PTPRD: variants seen among roughly 807,000 people sequenced by gnomAD.
The protein encoded by PTPRD is receptor-type tyrosine-protein phosphatase delta.
In PTPRD, 34 loss-of-function variants were observed where a neutral mutation model predicts 214.5. The ratio of observed to expected loss-of-function variants is 0.16; its 90% CI spans 0.12 to 0.21. The LOEUF (loss-of-function observed/expected upper bound fraction) is 0.21, where lower values mean the gene tolerates loss of function less well. Among genes scored for constraint, PTPRD ranks in the 10% least tolerant of loss-of-function variants. PTPRD has a pLI of 1.00. For missense variants in PTPRD, 2,545 were observed against 2,398.7 expected, an observed-to-expected ratio of 1.06 and a Z score of -1.27; for synonymous variants, 1,128 against 845.7, an observed-to-expected ratio of 1.33 and a Z score of -5.79.
intron 7 of PTPRD, among the ~76,000 whole-genome samples, chr9:9,666,873 G>A (rs183154328): frequency 2.4e-3 from 364 of 151,744 alleles, no homozygotes; most frequent in African/African-American, 8.3e-3. Flanking sequence ...TTCCCTTAAT[G>A]CTTTACCTCG....
intron 13 of PTPRD, 110 bp from the exon 14 acceptor site, chr9:8,633,568 A>ATAATAAACTAGGCATAATAAACAGTT (rs2096325108): frequency 1.6e-6 from 2 of 1,263,446 alleles, no homozygotes; most frequent in Non-Finnish European, 2.2e-6. Context: ...TAAACTAGGC[A>ATAATAAACTAGGCATAATAAACAGTT]TCATTCTGAA....
intron 9 of PTPRD, among the ~76,000 whole-genome samples, chr9:9,281,678 A>G (rs909193417): frequency 4.6e-5 from 7 of 151,352 alleles, no homozygotes; most frequent in African/African-American, 1.7e-4. Flanking sequence ...CCACTTAGAA[A>G]AACAGTGTGG....
intron 11 of PTPRD, among the ~76,000 whole-genome samples, chr9:9,008,862 T>C (rs1435253493): frequency 6.6e-6 from 1 of 152,132 alleles, no homozygotes; most frequent in African/African-American, 2.4e-5. Context: ...ATAATATTAA[T>C]TAAGGAAGCA....
chr9:8,485,305 A>G lies in PTPRD; in HGVS notation c.3075T>C (p.His1025=), dbSNP rs2135865371. 1 of 1,614,110 alleles carries G rather than the reference A, an allele frequency of 6.2e-7. No homozygotes were observed. The highest frequency in any genetic ancestry group is 8.5e-7 in the Non-Finnish European group (1 of 1,179,974). ...CGGAAGTCTTCATTACTGCTTTGAC[A>G]TGAAAATTTTTTGCAAACACTGCTG... The part of the protein sequence containing the change: ...PVDQVFAKNF[H]VKAVMKTSVL... The change falls in exon 29 of 46, where the codon CAT becomes CAC. Residue 1025 remains histidine, a synonymous_variant. Transcript: ENST00000381196.
At chr9:8,704,885 T>C (rs1030497721) in intron 12 of PTPRD, among the ~76,000 whole-genome samples, 2 of 151,936 alleles carry the variant, frequency 1.3e-5, no homozygotes, top group African/African-American at 4.8e-5. Context: ...ATCATGCCAT[T>C]GCACTCTAGC....
At chr9:9,981,265 C>T (rs2095533649) in intron 4 of PTPRD, among the ~76,000 whole-genome samples, 1 of 151,770 alleles carries the variant, frequency 6.6e-6, no homozygotes, top group Non-Finnish European at 1.5e-5. Context: ...GTTTCAAACG[C>T]AGTTTTAACT....
intron 2 of PTPRD, among the ~76,000 whole-genome samples, chr9:10,569,679 A>C (rs187749415): frequency 2.1e-3 from 317 of 151,972 alleles, no homozygotes; most frequent in African/African-American, 7.4e-3. Flanking sequence ...CTTTTTCTTA[A>C]TTTTCTGTTA....
At chr9:9,286,993 G>A (rs1208053749) in intron 9 of PTPRD, among the ~76,000 whole-genome samples, 1 of 144,408 alleles carries the variant, frequency 6.9e-6, no homozygotes, top group Admixed American at 7.0e-5. Context: ...GGAAGGCTGA[G>A]GCGGGCAGAT....
intron 5 of PTPRD, among the ~76,000 whole-genome samples, chr9:9,861,283 T>G (rs185844453): frequency 7.2e-5 from 11 of 152,196 alleles, no homozygotes; most frequent in Admixed American, 1.3e-4. Context: ...TTTATTTTAT[T>G]TTTTTGTTTT....
At chr9:8,331,014 T>TTAACTTCAATGACTTGAGTTA (rs1219830634) in intron 44 of PTPRD, among the ~76,000 whole-genome samples, 2 of 152,150 alleles carry the variant, frequency 1.3e-5, no homozygotes, top group African/African-American at 2.4e-5. Context: ...TTTATTTCTA[T>TTAACTTCAATGACTTGAGTTA]TAACTTCAAT....
At chr9:9,986,234 G>T (rs980231452) in intron 4 of PTPRD, among the ~76,000 whole-genome samples, 3 of 152,028 alleles carry the variant, frequency 2.0e-5, no homozygotes, top group Admixed American at 2.0e-4. Context: ...TATTTCTTCT[G>T]ATCCAAAAAT....
intron 4 of PTPRD, among the ~76,000 whole-genome samples, chr9:9,943,348 TATC>T (rs1208037575): frequency 1.3e-5 from 2 of 152,144 alleles, no homozygotes; most frequent in Non-Finnish European, 2.9e-5. Flanking sequence ...TTAAAAGGGC[TATC>T]ATCACTCTCT....
intron 8 of PTPRD, among the ~76,000 whole-genome samples, chr9:9,429,333 C>G (rs1369414861): frequency 2.0e-5 from 3 of 152,128 alleles, no homozygotes; most frequent in Non-Finnish European, 2.9e-5. Context: ...CACATACACC[C>G]TCCCAAGACT....
At chr9:10,607,081 C>G (rs1421544200) in intron 2 of PTPRD, among the ~76,000 whole-genome samples, 2 of 151,802 alleles carry the variant, frequency 1.3e-5, no homozygotes, top group Non-Finnish European at 1.5e-5. Flanking sequence ...TTTAAGCTAT[C>G]TCTGATCTCA....
At chr9:10,302,424 C>G (rs753311498) in intron 3 of PTPRD, among the ~76,000 whole-genome samples, 16 of 151,992 alleles carry the variant, frequency 1.1e-4, no homozygotes, top group Admixed American at 6.6e-4. Flanking sequence ...CAATATTAAC[C>G]GTAAATGTAA....
At chr9:9,838,799 T>C (rs573195299) in intron 5 of PTPRD, among the ~76,000 whole-genome samples, 5 of 152,218 alleles carry the variant, frequency 3.3e-5, no homozygotes, top group East Asian at 3.9e-4. Context: ...TTTTGGCTTT[T>C]GTTGCCATTG....
intron 7 of PTPRD, among the ~76,000 whole-genome samples, chr9:9,729,469 G>GA (rs559479870): frequency 9.6e-4 from 146 of 152,180 alleles, no homozygotes; most frequent in Non-Finnish European, 1.7e-3. Flanking sequence ...AAGGTGGAAG[G>GA]AAAATATGAT....
chr9:8,527,888 G>A (rs977224403), intron 15 of PTPRD, among the ~76,000 whole-genome samples: 11 of 152,064 alleles, frequency 7.2e-5, no homozygotes, highest in African/African-American at 1.7e-4. Context: ...AAACCTTGAC[G>A]GGCGCACACT....
At chr9:10,523,028 T>C (rs1017715488) in intron 2 of PTPRD, among the ~76,000 whole-genome samples, 1 of 152,038 alleles carries the variant, frequency 6.6e-6, no homozygotes, top group Non-Finnish European at 1.5e-5. Context: ...GAAATATTCC[T>C]CTTACAGCCA....
Sources: gnomAD v4.1 joint callset for allele counts (sites outside exome capture counted in the v4.1 genomes callset) on GRCh38, gnomAD v4.1.1 for gene constraint, MANE v1.5 for transcripts, NCBI Gene and HGNC (gene_info 2026-07-23, HGNC 2026-07-21) for gene names.